The following DNASE1L2 variants were observed in gnomAD, a reference collection of about 807,000 sequenced individuals.
DNASE1L2 encodes deoxyribonuclease 1 like 2.
A neutral mutation model predicts 31.8 loss-of-function variants in DNASE1L2; 35 were observed. The observed-to-expected ratio is 1.10, with a 90% CI of 0.84 to 1.46. The LOEUF (loss-of-function observed/expected upper bound fraction) is 1.46, where lower values mean the gene tolerates loss of function less well. DNASE1L2 is among the 40% of genes most tolerant of loss of function. The pLI is 0.00. For missense variants in DNASE1L2, 504 were observed against 418.8 expected (o/e 1.20, Z -1.77); for synonymous variants, 211 against 186.5 (o/e 1.13, Z -1.07).
Position 2,237,359 on chromosome 16 carries a change from T to A in DNASE1L2, c.318-17T>A. The A allele has an allele frequency of 6.3e-7, 1 of 1,599,638 alleles. No homozygotes were observed. The highest frequency in any genetic ancestry group is 8.5e-7 in the Non-Finnish European group (1 of 1,174,884). On this transcript the variant is annotated splice_polypyrimidine_tract_variant and intron_variant, in intron 4 of 6. Transcript: ENST00000320700. ...GGCCGCAGGTCGGGGGCTCAGCGGG[T>A]CCTCCCCATCTCCTAGGAAAGACGC...
Position 2,237,972 on chromosome 16 carries a change from C to A in DNASE1L2, c.797C>A (p.Ala266Asp). 2 of 1,608,022 alleles carry A rather than the reference C, an allele frequency of 1.2e-6. No homozygotes were observed. Among genetic ancestry groups the A allele is most frequent in the Non-Finnish European group, 1.7e-6 (2 of 1,178,324 alleles). ...CGCCGGAGCCTGAAGCCCCAGTCGG[C>A]CACCGTGCACGACTTCCAGGAGGAA... ...RLRRSLKPQS[A>D]TVHDFQEEFG... is the part of the protein sequence containing the mutation. Residue 266 changes from alanine (A) to aspartate (D), a missense_variant, in exon 6 of 7, where the codon GCC becomes GAC. By Grantham distance (126) the Ala-to-Asp change is moderately radical (BLOSUM62 -2). Coordinates refer to ENST00000320700, the MANE Select transcript of DNASE1L2 (RefSeq NM_001374.3).
In DNASE1L2 at chr16:2,237,143, C is replaced by A; in HGVS notation, c.233+17C>A. ...GATCAACAGGTGTGGTGGGCAGGGC[C>A]CCTCGTCGCGACCCCCCGCCGGGAT... On this transcript the variant is annotated intron_variant, in intron 3 of 6. Transcript: ENST00000320700. The A allele has an allele frequency of 3.2e-6, 5 of 1,548,126 alleles. No individual in the cohort carries two copies. The highest frequency in any genetic ancestry group is 4.4e-6 in the Non-Finnish European group (5 of 1,146,558).
In DNASE1L2 at chr16:2,238,089, T is replaced by C. The variant is rs1031809372; in HGVS notation, c.843+71T>C. 12 of 1,514,862 alleles carry C rather than the reference T, an allele frequency of 7.9e-6. No individual in the cohort carries two copies. The African/African-American group carries it at 8.3e-5, about 10-fold the overall frequency. 93.8% of individuals were successfully genotyped at this position (1,514,862 alleles called of 1,614,324 possible). ...GGGCGCACGCAGGCAGCAGGGAGGG[T>C]CCAGCGCCCAAGGCAGGGCCACCTC... On this transcript the variant is annotated intron_variant, in intron 6 of 6. Coordinates refer to ENST00000320700, the MANE Select transcript of DNASE1L2 (RefSeq NM_001374.3).
chr16:2,238,518 C>CA lies in DNASE1L2; in HGVS notation c.*102dup. 7.0e-7 allele frequency: 1 copy of CA among 1,437,456 alleles called. No individual in the cohort carries two copies. Among genetic ancestry groups the CA allele is most frequent in the Non-Finnish European group, 9.7e-7 (1 of 1,026,160 alleles). The allele number at this position is 1,437,456 out of a possible 1,614,324, so 89.0% of individuals were successfully genotyped here. On this transcript the variant is annotated 3_prime_UTR_variant, in exon 7 of 7. Transcript: ENST00000320700. ...TGGCAGCCACCCTTCAGTGAGGCCC[C>CA]AAGGCAGAGTCGGCTGGGCGTGGAC...
chr16:2,237,674 G>C (rs891692429), intron 5 of DNASE1L2, 25 bp downstream of exon 5: 2 of 1,590,518 alleles, frequency 1.3e-6, no homozygotes, highest in African/African-American at 2.7e-5. Flanking sequence ...CGGTCCCGGG[G>C]TCCCTGCAGG....
At chr16:2,238,048 T>G (rs1281419543) in intron 6 of DNASE1L2, 30 bp downstream of exon 6, 1 of 1,568,476 alleles carries the variant, frequency 6.4e-7, no homozygotes, top group Non-Finnish European at 8.6e-7. Flanking sequence ...GTGCTGGTCT[T>G]GGGTCCCCAC....
intron 6 of DNASE1L2, 54 bp downstream of exon 6, chr16:2,238,072 G>A: frequency 1.3e-6 from 2 of 1,534,542 alleles, no homozygotes; most frequent in Non-Finnish European, 1.8e-6. Context: ...CCGGGCGCAC[G>A]CAGGCAGCAG....
Position 2,238,412 on chromosome 16 carries a change from CCGA to C in DNASE1L2, c.895_897del (p.Arg299del). The C allele has an allele frequency of 6.2e-7, 1 of 1,613,500 alleles. No individual in the cohort carries two copies. The highest frequency in any genetic ancestry group is 8.5e-7 in the Non-Finnish European group (1 of 1,180,028). Reference sequence around the variant, plus strand: ...CAGTGGAGGTGACCCTCAAGTTCCACCGATGACTCGAGGCCTGGCTGGGGCATG... The same window carrying C: ...CAGTGGAGGTGACCCTCAAGTTCCACTGACTCGAGGCCTGGCTGGGGCATG... On this transcript the variant is annotated inframe_deletion, in exon 7 of 7. Coordinates refer to ENST00000320700, the MANE Select transcript of DNASE1L2 (RefSeq NM_001374.3).
In DNASE1L2 at chr16:2,237,916, C is replaced by G. The variant is rs2093517654; in HGVS notation, c.741C>G (p.Tyr247Ter). The G allele has an allele frequency of 6.2e-7, 1 of 1,611,782 alleles. No individual in the cohort carries two copies. The highest frequency in any genetic ancestry group is 1.7e-5 in the Admixed American group (1 of 59,946). Residue 247 changes from tyrosine to a stop codon, truncating the protein, a stop_gained, in exon 6 of 7, where the codon TAC becomes TAG. Transcript: ENST00000320700. LOFTEE classifies it high-confidence loss of function. ...CGGTGGGCAACTCAGACTGCGCCTACGACCGCATTGTGGCCTGTGGCGCCC... is the reference window on the plus strand; with the variant it reads ...CGGTGGGCAACTCAGACTGCGCCTAGGACCGCATTGTGGCCTGTGGCGCCC... ...DTTVGNSDCAYDRIVACGARL... is the reference protein window; with the variant it reads ...DTTVGNSDCA
chr16:2,236,508 A>C lies in DNASE1L2; in HGVS notation c.-92A>C. 2 of 1,179,828 alleles carry C rather than the reference A, an allele frequency of 1.7e-6. No individual in the cohort carries two copies. Among genetic ancestry groups the C allele is most frequent in the Non-Finnish European group, 2.1e-6 (2 of 954,482 alleles). 73.1% of individuals were successfully genotyped at this position (1,179,828 alleles called of 1,614,324 possible). On this transcript the variant is annotated 5_prime_UTR_variant, in exon 1 of 7. Transcript: ENST00000320700. ...GACACGCCCGCAGCCTGGACCCGGG[A>C]TCCCCATCCCCCTAGGATCTCTGAG...
At position 2,237,894 on chromosome 16, in the gene DNASE1L2, T is replaced by C; in HGVS notation, c.719T>C (p.Val240Ala). 6.2e-7 allele frequency: 1 copy of C among 1,612,596 alleles called. No homozygotes were observed. The highest frequency in any genetic ancestry group is 1.3e-5 in the African/African-American group (1 of 75,052). ...ATCCCTGACAGCGCCGACACCACGG[T>C]GGGCAACTCAGACTGCGCCTACGAC... ...WLIPDSADTT[V>A]GNSDCAYDRI... Residue 240 changes from valine (V) to alanine (A), a missense_variant, in exon 6 of 7, where the codon GTG (valine) becomes GCG (alanine). Val to Ala is a moderately conservative substitution (Grantham distance 64). Transcript: ENST00000320700.
chr16:2,238,267 G>A (rs1596780467), intron 6 of DNASE1L2, 95 bp from the exon 7 acceptor site: 2 of 1,546,646 alleles, frequency 1.3e-6, no homozygotes. Context: ...CCCCACCGCA[G>A]GCAGCAGCAG....
chr16:2,237,741 C>T, intron 5 of DNASE1L2, 26 bp from the exon 6 acceptor site: 1 of 1,597,502 alleles, frequency 6.3e-7, no homozygotes, highest in Non-Finnish European at 8.5e-7. Flanking sequence ...TGCGGCGGCT[C>T]AGACACGGCT....
At position 2,237,186 on chromosome 16, in the gene DNASE1L2, C is replaced by T. The variant is rs768382955; in HGVS notation, c.234-32C>T. ...GCCGGGATCTCGCCCCGGCGCGGCG[C>T]CCCGACCCTGAGCGGGCCCCTGTCT... On this transcript the variant is annotated intron_variant, in intron 3 of 6. Coordinates refer to ENST00000320700, the MANE Select transcript of DNASE1L2 (RefSeq NM_001374.3). 5.2e-6 allele frequency: 8 copies of T among 1,552,000 alleles called. No homozygotes were observed. In the South Asian group the frequency reaches 8.3e-5, roughly 16 times the overall value.
At chr16:2,238,128 C>G in intron 6 of DNASE1L2, 110 bp downstream of exon 6, 1 of 1,464,406 alleles carries the variant, frequency 6.8e-7, no homozygotes, top group Non-Finnish European at 9.1e-7. Context: ...TTCCTCCCTG[C>G]ACCAGGGCTC....
chr16:2,238,305 C>T, intron 6 of DNASE1L2, 57 bp from the exon 7 acceptor site: 1 of 1,607,008 alleles, frequency 6.2e-7, no homozygotes, highest in South Asian at 1.1e-5. Context: ...TCACCGGCCC[C>T]TCCCATCCCT....
rs2093520005 is a variant in DNASE1L2 at position 2,238,562 on chromosome 16, G to A, written c.*144G>A. ...CGTGGACCAGGGGCCATGGACACGTGATGTGCTGCTCTGTACCTCCGTTCC... is the reference window on the plus strand; with the variant it reads ...CGTGGACCAGGGGCCATGGACACGTAATGTGCTGCTCTGTACCTCCGTTCC... On this transcript the variant is annotated 3_prime_UTR_variant, in exon 7 of 7. Transcript: ENST00000320700. 1.1e-6 allele frequency: 1 copy of A among 947,378 alleles called. No homozygotes were observed. 58.7% of individuals were successfully genotyped at this position (947,378 alleles called of 1,614,324 possible).
intron 6 of DNASE1L2, 152 bp downstream of exon 6, chr16:2,238,170 C>G: frequency 7.1e-6 from 10 of 1,417,958 alleles, no homozygotes; most frequent in South Asian, 6.8e-5. Flanking sequence ...CCCGGCCCAC[C>G]CCATGTGGAG....
chr16:2,238,471 C>G lies in DNASE1L2; in HGVS notation c.*53C>G, dbSNP rs1009665282. On this transcript the variant is annotated 3_prime_UTR_variant, in exon 7 of 7. Transcript: ENST00000320700. ...TGCAGACCCTGGCTCTGAGGAATGG[C>G]CCAACAGTGGCCCCTTCAGGGTGGC... The G allele has an allele frequency of 1.6e-5, 25 of 1,608,208 alleles. No individual in the cohort carries two copies. Among genetic ancestry groups the G allele is most frequent in the Non-Finnish European group, 2.0e-5 (23 of 1,176,150 alleles).
Sources: allele counts gnomAD v4.1 joint callset, GRCh38; gene constraint gnomAD v4.1.1; transcripts MANE v1.5; gene names NCBI Gene and HGNC (gene_info 2026-07-23, HGNC 2026-07-21).